Variants in LCE2B observed in about 807,000 individuals in gnomAD.
The protein encoded by LCE2B is late cornified envelope 2B.
For synonymous variants in LCE2B, 69 were observed against 52.0 expected (o/e 1.33, Z -1.40); for missense variants, 175 against 141.6 (o/e 1.24, Z -1.20).
rs1379145662 is a variant in LCE2B at position 152,687,012 on chromosome 1, G to T, written c.169G>T (p.Gly57Cys). The change falls in exon 2 of 2, where the codon GGT becomes TGT. Residue 57 changes from glycine to cysteine, a missense_variant. Transcript: ENST00000368780. ...CCGPISGGCC[G>C]PSSGGCCNSG... The stretch of plus-strand genomic sequence containing the variant: ...TGGTCCCATCTCTGGGGGCTGCTGT[G>T]GTCCCAGCTCTGGGGGCTGCTGCAA... The T allele has an allele frequency of 6.2e-7, 1 of 1,613,510 alleles. No homozygotes were observed. The highest frequency in any genetic ancestry group is 1.7e-4 in the Middle Eastern group (1 of 6,058).
In LCE2B at chr1:152,686,951, C is replaced by T. The variant is rs1349034439; in HGVS notation, c.108C>T (p.Cys36=). 17 of 1,614,012 alleles carry T rather than the reference C, an allele frequency of 1.1e-5. No homozygotes were observed. Among genetic ancestry groups the T allele is most frequent in the Non-Finnish European group, 1.4e-5 (16 of 1,180,030 alleles). The change falls in exon 2 of 2, where the codon TGC becomes TGT. Residue 36 remains cysteine (C), a synonymous_variant. Coordinates refer to ENST00000368780, the MANE Select transcript of LCE2B (RefSeq NM_014357.5). ...PKCPPKCLPQ[C]PAPCSPAVSS... Reference sequence around the variant, plus strand: ...GTCCCCCTAAATGCCTGCCCCAGTGCCCAGCTCCATGTTCCCCTGCAGTCT... The same window carrying T: ...GTCCCCCTAAATGCCTGCCCCAGTGTCCAGCTCCATGTTCCCCTGCAGTCT...
In LCE2B at chr1:152,686,948, G is replaced by A; in HGVS notation, c.105G>A (p.Gln35=). The A allele has an allele frequency of 6.2e-7, 1 of 1,613,664 alleles. No homozygotes were observed. The highest frequency in any genetic ancestry group is 8.5e-7 in the Non-Finnish European group (1 of 1,180,022). The change falls in exon 2 of 2, where the codon CAG becomes CAA. Residue 35 remains glutamine, a synonymous_variant. Transcript: ENST00000368780. ...AGTGTCCCCCTAAATGCCTGCCCCA[G>A]TGCCCAGCTCCATGTTCCCCTGCAG... ...PPKCPPKCLP[Q]CPAPCSPAVS...
chr1:152,686,946 C>T lies in LCE2B; in HGVS notation c.103C>T (p.Gln35Ter), dbSNP rs1411660091. ...PPKCPPKCLP[Q>*]CPAPCSPAVS... Reference sequence around the variant, plus strand: ...TAAGTGTCCCCCTAAATGCCTGCCCCAGTGCCCAGCTCCATGTTCCCCTGC... The same window carrying T: ...TAAGTGTCCCCCTAAATGCCTGCCCTAGTGCCCAGCTCCATGTTCCCCTGC... Residue 35 changes from glutamine to a stop codon, truncating the protein, a stop_gained, in exon 2 of 2, where the codon CAG becomes TAG. Transcript: ENST00000368780. LOFTEE classifies it low-confidence loss of function (END_TRUNC). 1 of 1,613,798 alleles carries T rather than the reference C, an allele frequency of 6.2e-7. No individual in the cohort carries two copies. The highest frequency in any genetic ancestry group is 1.7e-5 in the Admixed American group (1 of 60,022).
Position 152,686,943 on chromosome 1 carries a change from C to G in LCE2B, c.100C>G (p.Pro34Ala), listed in dbSNP as rs750314410. 6.2e-7 allele frequency: 1 copy of G among 1,614,158 alleles called. No homozygotes were observed. The highest frequency in any genetic ancestry group is 8.5e-7 in the Non-Finnish European group (1 of 1,180,034). ...CPPKCPPKCL[P>A]QCPAPCSPAV... is the part of the protein sequence containing the mutation. ...ACCTAAGTGTCCCCCTAAATGCCTG[C>G]CCCAGTGCCCAGCTCCATGTTCCCC... Residue 34 changes from proline to alanine, a missense_variant, in exon 2 of 2, where the codon CCC becomes GCC. Transcript: ENST00000368780.
chr1:152,686,725 C>G, intron 1 of LCE2B, 99 bp from the exon 2 acceptor site: 1 of 1,424,944 alleles, frequency 7.0e-7, no homozygotes, highest in South Asian at 1.4e-5. Flanking sequence ...ACTGTATGAT[C>G]TAAATATCAT....
At chr1:152,686,706 A>G in intron 1 of LCE2B, 118 bp from the exon 2 acceptor site, 1 of 1,344,322 alleles carries the variant, frequency 7.4e-7, no homozygotes, top group Non-Finnish European at 1.0e-6. Context: ...CTTTCAGGTT[A>G]CTGATGTGAC....
Position 152,687,061 on chromosome 1 carries a change from T to C in LCE2B, c.218T>C (p.Leu73Pro), listed in dbSNP as rs1649160149. 6.2e-7 allele frequency: 1 copy of C among 1,613,256 alleles called. No individual in the cohort carries two copies. Among genetic ancestry groups the C allele is most frequent in the Non-Finnish European group, 8.5e-7 (1 of 1,179,904 alleles). ...AACTCTGGGGCTGGTGGCTGCTGCC[T>C]GAGCCACCACAGGCCCCGTCTCTTC... Reference protein sequence around the residue: ...CCNSGAGGCCLSHHRPRLFHR... With the variant: ...CCNSGAGGCCPSHHRPRLFHR... The change falls in exon 2 of 2, where the codon CTG (leucine) becomes CCG (proline). Residue 73 changes from leucine to proline, a missense_variant. Transcript: ENST00000368780.
rs1170868458 is a variant in LCE2B, at chr1:152,686,949, T to C, written c.106T>C (p.Cys36Arg). 4 of 1,613,682 alleles carry C rather than the reference T, an allele frequency of 2.5e-6. No homozygotes were observed. Among genetic ancestry groups the C allele is most frequent in the Non-Finnish European group, 3.4e-6 (4 of 1,180,024 alleles). Residue 36 changes from cysteine (C) to arginine (R), a missense_variant, in exon 2 of 2, where the codon TGC becomes CGC. By Grantham distance (180) the Cys-to-Arg change is radical. Coordinates refer to ENST00000368780, the MANE Select transcript of LCE2B (RefSeq NM_014357.5). ...GTGTCCCCCTAAATGCCTGCCCCAG[T>C]GCCCAGCTCCATGTTCCCCTGCAGT... Reference protein sequence around the residue: ...PKCPPKCLPQCPAPCSPAVSS... With the variant: ...PKCPPKCLPQRPAPCSPAVSS...
At position 152,687,275 on chromosome 1, in the gene LCE2B, C is replaced by T. The variant is rs1444745497; in HGVS notation, c.*99C>T. 1.3e-6 allele frequency: 2 copies of T among 1,491,366 alleles called. No individual in the cohort carries two copies. Among genetic ancestry groups the T allele is most frequent in the Non-Finnish European group, 1.8e-6 (2 of 1,116,810 alleles). 92.4% of individuals were successfully genotyped at this position (1,491,366 alleles called of 1,614,324 possible). Reference sequence around the variant, plus strand: ...TCCTCTCATTCCATTCATGGGTGGACAGCGACCACAAAGACTCATGGGGCT... The same window carrying T: ...TCCTCTCATTCCATTCATGGGTGGATAGCGACCACAAAGACTCATGGGGCT... On this transcript the variant is annotated 3_prime_UTR_variant, in exon 2 of 2. Transcript: ENST00000368780.
Position 152,686,917 on chromosome 1 carries a change from C to G in LCE2B, c.74C>G (p.Pro25Arg). 1 of 1,614,146 alleles carries G rather than the reference C, an allele frequency of 6.2e-7. No individual in the cohort carries two copies. The highest frequency in any genetic ancestry group is 8.5e-7 in the Non-Finnish European group (1 of 1,180,040). ...CCTCCCAAGTGTACCCCAAAATGTCCACCTAAGTGTCCCCCTAAATGCCTG... is the reference window on the plus strand; with the variant it reads ...CCTCCCAAGTGTACCCCAAAATGTCGACCTAAGTGTCCCCCTAAATGCCTG... ...KCPPKCTPKC[P>R]PKCPPKCLPQ... Residue 25 changes from proline to arginine, a missense_variant, in exon 2 of 2, where the codon CCA becomes CGA. Coordinates refer to ENST00000368780, the MANE Select transcript of LCE2B (RefSeq NM_014357.5).
In LCE2B at chr1:152,687,065, C is replaced by T; in HGVS notation, c.222C>T (p.Ser74=). The T allele has an allele frequency of 1.2e-6, 2 of 1,613,452 alleles. No homozygotes were observed. Among genetic ancestry groups the T allele is most frequent in the Non-Finnish European group, 1.7e-6 (2 of 1,179,952 alleles). ...CNSGAGGCCL[S]HHRPRLFHRR... is the part of the protein sequence containing the mutation. ...CTGGGGCTGGTGGCTGCTGCCTGAG[C>T]CACCACAGGCCCCGTCTCTTCCACC... The change falls in exon 2 of 2, where the codon AGC becomes AGT. Residue 74 remains serine (S), a synonymous_variant. Transcript: ENST00000368780.
In LCE2B at chr1:152,687,002, G is replaced by A; in HGVS notation, c.159G>A (p.Gly53=). The change falls in exon 2 of 2, where the codon GGG becomes GGA. Residue 53 remains glycine (G), a synonymous_variant. Transcript: ENST00000368780. ...AVSSCCGPIS[G]GCCGPSSGGC... Reference sequence around the variant, plus strand: ...CTTCTTGCTGTGGTCCCATCTCTGGGGGCTGCTGTGGTCCCAGCTCTGGGG... The same window carrying A: ...CTTCTTGCTGTGGTCCCATCTCTGGAGGCTGCTGTGGTCCCAGCTCTGGGG... 1 of 1,612,736 alleles carries A rather than the reference G, an allele frequency of 6.2e-7. No individual in the cohort carries two copies. Among genetic ancestry groups the A allele is most frequent in the Non-Finnish European group, 8.5e-7 (1 of 1,179,334 alleles).
At chr1:152,686,348 A>G (rs1331621237) in intron 1 of LCE2B, among the ~76,000 whole-genome samples, 192 bp downstream of exon 1, 4 of 152,178 alleles carry the variant, frequency 2.6e-5, no homozygotes, top group Non-Finnish European at 1.5e-5. Context: ...CTAACTGTGC[A>G]CATCTTTTCC....
Position 152,686,959 on chromosome 1 carries a change from C to T in LCE2B, c.116C>T (p.Pro39Leu). ...PPKCLPQCPAPCSPAVSSCCG... is the reference protein window; with the variant it reads ...PPKCLPQCPALCSPAVSSCCG... ...AAATGCCTGCCCCAGTGCCCAGCTC[C>T]ATGTTCCCCTGCAGTCTCTTCTTGC... Residue 39 changes from proline (P) to leucine (L), a missense_variant, in exon 2 of 2, where the codon CCA becomes CTA. Coordinates refer to ENST00000368780, the MANE Select transcript of LCE2B (RefSeq NM_014357.5). The T allele has an allele frequency of 6.2e-7, 1 of 1,613,164 alleles. No homozygotes were observed. Among genetic ancestry groups the T allele is most frequent in the East Asian group, 2.2e-5 (1 of 44,870 alleles).
Position 152,687,240 on chromosome 1 carries a change from C to A in LCE2B, c.*64C>A. Reference sequence around the variant, plus strand: ...AACCTCCTACAGCCTGATGCTTAACCCTTTCCATTTCCTCTCATTCCATTC... The same window carrying A: ...AACCTCCTACAGCCTGATGCTTAACACTTTCCATTTCCTCTCATTCCATTC... On this transcript the variant is annotated 3_prime_UTR_variant, in exon 2 of 2. Coordinates refer to ENST00000368780, the MANE Select transcript of LCE2B (RefSeq NM_014357.5). 6.5e-7 allele frequency: 1 copy of A among 1,538,968 alleles called. No individual in the cohort carries two copies. The highest frequency in any genetic ancestry group is 8.7e-7 in the Non-Finnish European group (1 of 1,145,560).
intron 1 of LCE2B, among the ~76,000 whole-genome samples, chr1:152,686,456 T>G (rs1232381049): frequency 6.6e-6 from 1 of 150,428 alleles, no homozygotes; most frequent in African/African-American, 2.5e-5. Context: ...GCCAGGCTCT[T>G]TTATCTGGAG....
At chr1:152,686,577 C>G (rs1649139126) in intron 1 of LCE2B, among the ~76,000 whole-genome samples, 1 of 151,982 alleles carries the variant, frequency 6.6e-6, no homozygotes, top group Non-Finnish European at 1.5e-5. Context: ...TGTGAATACT[C>G]TATTCAGGCT....
chr1:152,687,278 C>A lies in LCE2B; in HGVS notation c.*102C>A, dbSNP rs188466139. On this transcript the variant is annotated 3_prime_UTR_variant, in exon 2 of 2. Transcript: ENST00000368780. ...TCTCATTCCATTCATGGGTGGACAG[C>A]GACCACAAAGACTCATGGGGCTTCC... The A allele has an allele frequency of 6.7e-7, 1 of 1,484,618 alleles. No homozygotes were observed. Among genetic ancestry groups the A allele is most frequent in the Non-Finnish European group, 9.0e-7 (1 of 1,111,576 alleles). 92.0% of individuals were successfully genotyped at this position (1,484,618 alleles called of 1,614,324 possible).
At position 152,687,219 on chromosome 1, in the gene LCE2B, T is replaced by A. The variant is rs1264449352; in HGVS notation, c.*43T>A. ...TCTTTGGACAGAATGTTTAAGAACC[T>A]CCTACAGCCTGATGCTTAACCCTTT... On this transcript the variant is annotated 3_prime_UTR_variant, in exon 2 of 2. Transcript: ENST00000368780. 1 of 1,575,964 alleles carries A rather than the reference T, an allele frequency of 6.3e-7. No homozygotes were observed. The highest frequency in any genetic ancestry group is 8.6e-7 in the Non-Finnish European group (1 of 1,162,660).
Sources: gnomAD v4.1 joint callset for allele counts (sites outside exome capture counted in the v4.1 genomes callset) on GRCh38, gnomAD v4.1.1 for gene constraint, MANE v1.5 for transcripts, NCBI Gene and HGNC (gene_info 2026-07-23, HGNC 2026-07-21) for gene names.